Variants in SNTG1 observed in about 807,000 individuals in gnomAD.
SNTG1 encodes the protein syntrophin gamma 1.
SNTG1 carries 39 observed loss-of-function variants against 74.7 expected under a neutral mutation model. The ratio of observed to expected loss-of-function variants is 0.52; its 90% CI spans 0.40 to 0.68. The LOEUF is 0.68. Among genes scored for constraint, SNTG1 ranks in the 30% least tolerant of loss-of-function variants. The probability of loss-of-function intolerance (pLI) is 0.00; values close to 1 mark genes in which losing one functional copy is unlikely to be tolerated. For synonymous variants in SNTG1, 254 were observed against 217.1 expected, an observed-to-expected ratio of 1.17 and a Z score of -1.49; for missense variants, 685 against 609.5, an observed-to-expected ratio of 1.12 and a Z score of -1.30.
intron 5 of SNTG1, among the ~76,000 whole-genome samples, chr8:50,443,404 G>A (rs1465308408): frequency 6.6e-6 from 1 of 152,056 alleles, no homozygotes; most frequent in Non-Finnish European, 1.5e-5. Flanking sequence ...TTAAATAAAT[G>A]TATGCAATCA....
chr8:50,103,484 T>C (rs2080232530), intron 1 of SNTG1, among the ~76,000 whole-genome samples: 1 of 152,194 alleles, frequency 6.6e-6, no homozygotes, highest in South Asian at 2.1e-4. Context: ...GTTTTCTAGA[T>C]ATACAATCAT....
intron 8 of SNTG1, among the ~76,000 whole-genome samples, chr8:50,469,631 T>C (rs1011909565): frequency 2.0e-5 from 3 of 152,156 alleles, no homozygotes; most frequent in Non-Finnish European, 4.4e-5. Flanking sequence ...TTCCTGCATT[T>C]TTCTCCCCTG....
intron 13 of SNTG1, 142 bp downstream of exon 13, chr8:50,591,059 T>A: frequency 2.0e-6 from 1 of 500,926 alleles, no homozygotes; most frequent in Non-Finnish European, 3.4e-6. Context: ...ACATTTCAGA[T>A]ATCTCCTTCA....
At chr8:49,976,100 T>C (rs906096218) in intron 1 of SNTG1, among the ~76,000 whole-genome samples, 1 of 152,290 alleles carries the variant, frequency 6.6e-6, no homozygotes, top group African/African-American at 2.4e-5. Flanking sequence ...GAGATGCATG[T>C]CTCAATTTAC....
intron 2 of SNTG1, among the ~76,000 whole-genome samples, chr8:50,381,682 G>GAT (rs1177562459): frequency 1.7e-5 from 1 of 59,410 alleles, no homozygotes; most frequent in East Asian, 4.7e-4. Context: ...ATATATATAG[G>GAT]ATATATATAT....
chr8:50,684,652 T>A (rs1292307054), intron 15 of SNTG1, among the ~76,000 whole-genome samples: 1 of 152,014 alleles, frequency 6.6e-6, no homozygotes, highest in African/African-American at 2.4e-5. Context: ...TATCCATATT[T>A]TAAGAAATTA....
intron 17 of SNTG1, among the ~76,000 whole-genome samples, chr8:50,721,200 T>C (rs921603825): frequency 6.6e-6 from 1 of 152,348 alleles, no homozygotes; most frequent in Non-Finnish European, 1.5e-5. Flanking sequence ...AATTTATTCA[T>C]TAACCTGTGT....
At chr8:50,165,785 G>A (rs1453051613) in intron 1 of SNTG1, among the ~76,000 whole-genome samples, 2 of 152,206 alleles carry the variant, frequency 1.3e-5, no homozygotes, top group Admixed American at 1.3e-4. Flanking sequence ...TAACCAATGG[G>A]CATTACTAGT....
At chr8:49,958,336 C>T (rs1244051174) in intron 1 of SNTG1, among the ~76,000 whole-genome samples, 4 of 152,142 alleles carry the variant, frequency 2.6e-5, no homozygotes, top group African/African-American at 9.6e-5. Flanking sequence ...AGTGAAAGGA[C>T]ATCCATTATG....
chr8:50,761,909 T>C, intron 18 of SNTG1, among the ~76,000 whole-genome samples: 1 of 152,024 alleles, frequency 6.6e-6, no homozygotes, highest in East Asian at 1.9e-4. Flanking sequence ...TAAATAATCT[T>C]TGATATTACA....
intron 1 of SNTG1, among the ~76,000 whole-genome samples, chr8:50,081,906 C>T (rs1473547842): frequency 1.3e-5 from 2 of 152,188 alleles, no homozygotes; most frequent in South Asian, 4.1e-4. Context: ...GCTAGGATTA[C>T]AGGCGTGAGC....
At chr8:50,356,566 C>T (rs868056072) in intron 2 of SNTG1, among the ~76,000 whole-genome samples, 31 of 152,122 alleles carry the variant, frequency 2.0e-4, no homozygotes, top group African/African-American at 6.0e-4. Context: ...ATCAAGATGC[C>T]GGCATCCGCT....
intron 1 of SNTG1, among the ~76,000 whole-genome samples, chr8:50,057,532 C>A (rs916008314): frequency 6.6e-6 from 1 of 152,084 alleles, no homozygotes; most frequent in Admixed American, 6.6e-5. Flanking sequence ...AGATCTGGTA[C>A]TAACCTGGGA....
chr8:50,578,182 G>A (rs973695659), intron 12 of SNTG1, among the ~76,000 whole-genome samples: 1 of 152,184 alleles, frequency 6.6e-6, no homozygotes, highest in African/African-American at 2.4e-5. Context: ...AAGAGGAATA[G>A]CAGATGGAAA....
rs145986754 is a variant in SNTG1 at position 50,317,163 on chromosome 8, C to T, written c.-27-77049C>T. 7.0e-3 allele frequency among the ~76,000 whole-genome samples: 1,061 copies of T among 152,168 alleles called. 20 individuals carry two copies. The highest frequency in any genetic ancestry group is 0.036 in the East Asian group (187 of 5,168). On this transcript the variant is annotated intron_variant, in intron 2 of 18. Coordinates refer to ENST00000642720, the MANE Select transcript of SNTG1 (RefSeq NM_018967.5). ...AGAGAAATTTGGTAATCTCATTAGC[C>T]TTTTCTGTTCTGGGAGGGTAAGCTT... is the stretch of plus-strand genomic sequence containing the variant.
At chr8:50,260,986 A>G (rs965144533) in intron 2 of SNTG1, among the ~76,000 whole-genome samples, 9 of 152,210 alleles carry the variant, frequency 5.9e-5, no homozygotes, top group African/African-American at 2.2e-4. Flanking sequence ...TTAAAGCAAC[A>G]GTTACTGATA....
chr8:50,702,144 G>A (rs1347915829), intron 15 of SNTG1, among the ~76,000 whole-genome samples: 2 of 151,660 alleles, frequency 1.3e-5, no homozygotes, highest in Non-Finnish European at 2.9e-5. Flanking sequence ...GAGCCACTGC[G>A]CCCAGCCTCT....
chr8:50,291,008 G>A (rs574179051), intron 2 of SNTG1, among the ~76,000 whole-genome samples: 3 of 152,112 alleles, frequency 2.0e-5, no homozygotes, highest in South Asian at 2.1e-4. Context: ...TGCCTATCTC[G>A]GCCTCCCAAA....
rs1389232576 is a variant in SNTG1 at position 50,025,255 on chromosome 8, A to G, written c.-103+113024A>G. Among the ~76,000 whole-genome samples the G allele has an allele frequency of 2.6e-5, 4 of 152,180 alleles. No homozygotes were observed. The South Asian group carries it at 8.3e-4, about 31-fold the overall frequency. On this transcript the variant is annotated intron_variant, in intron 1 of 18. Transcript: ENST00000642720. ...ATAATTTCACATTTGAAAAGTATAT[A>G]TTCATTAATTTTAGATATCTATAAT...
Sources: gnomAD v4.1 joint callset for allele counts (sites outside exome capture counted in the v4.1 genomes callset) on GRCh38, gnomAD v4.1.1 for gene constraint, MANE v1.5 for transcripts, NCBI Gene and HGNC (gene_info 2026-07-23, HGNC 2026-07-21) for gene names.